Variants in COL18A1 observed in about 807,000 individuals in gnomAD.
COL18A1 encodes collagen type XVIII alpha 1 chain, also known as collagen alpha-1(XVIII) chain.
In COL18A1, 133 loss-of-function variants were observed where a neutral mutation model predicts 168.0. The ratio of observed to expected loss-of-function variants is 0.79; its 90% CI spans 0.69 to 0.91. COL18A1 has a LOEUF of 0.91. Among genes scored for constraint, COL18A1 ranks in the 40% least tolerant of loss-of-function variants. COL18A1 has a pLI of 0.00. For missense variants in COL18A1, 2,126 were observed against 1,925.4 expected, an observed-to-expected ratio of 1.10 and a Z score of -1.95; for synonymous variants, 949 against 809.0, an observed-to-expected ratio of 1.17 and a Z score of -2.94.
chr21:45,499,436 C>T (rs2236481), intron 32 of COL18A1, among the ~76,000 whole-genome samples: 14,421 of 73,956 alleles, frequency 0.19, 1,185 homozygotes, highest in Middle Eastern at 0.3. Flanking sequence ...GAGGCTCCCG[C>T]GGGAACCCGT....
Position 45,405,463 on chromosome 21 carries a change from C to T in COL18A1, c.96C>T (p.Ser32=), listed in dbSNP as rs772492972. 1.2e-4 allele frequency: 165 copies of T among 1,376,950 alleles called. No individual in the cohort carries two copies. Among genetic ancestry groups the T allele is most frequent in the Admixed American group, 8.8e-4 (34 of 38,758 alleles). 85.3% of individuals were successfully genotyped at this position (1,376,950 alleles called of 1,614,324 possible). A position where few individuals can be genotyped will look rare whatever the true frequency, so the allele number is the denominator to read the frequency against. The part of the protein sequence containing the change: ...LVLLLGVRAA[S]AEPERISEEV... ...TGCTGCTCGGGGTCCGCGCGGCCTCCGCGGAGCCAGGTAAGACCCGGGCGG... is the reference window on the plus strand; with the variant it reads ...TGCTGCTCGGGGTCCGCGCGGCCTCTGCGGAGCCAGGTAAGACCCGGGCGG... Residue 32 remains serine, a synonymous_variant, in exon 2 of 42, where the codon TCC becomes TCT. Coordinates refer to ENST00000651438, the MANE Select transcript of COL18A1 (RefSeq NM_001379500.1).
At position 45,494,924 on chromosome 21, in the gene COL18A1, C is replaced by A; in HGVS notation, c.2433+9C>A. 1 of 1,609,062 alleles carries A rather than the reference C, an allele frequency of 6.2e-7. No individual in the cohort carries two copies. The highest frequency in any genetic ancestry group is 1.3e-5 in the African/African-American group (1 of 74,974). On this transcript the variant is annotated intron_variant, in intron 28 of 41. Transcript: ENST00000651438. ...GCTTTCCTGGACGGCCGGTGAGGAC[C>A]TGGGGTCTCCAGTGGGGGCGGCAGA... is the stretch of plus-strand genomic sequence containing the variant.
intron 32 of COL18A1, among the ~76,000 whole-genome samples, chr21:45,503,288 T>C (rs1007061909): frequency 6.6e-6 from 1 of 152,016 alleles, no homozygotes; most frequent in Admixed American, 6.6e-5. Context: ...TGGTATCTCA[T>C]TGTGGTTTTG....
rs376357877 is a variant in COL18A1 at position 45,480,145 on chromosome 21, C to T, written c.1387C>T (p.His463Tyr). The T allele has an allele frequency of 1.8e-5, 28 of 1,578,920 alleles. No homozygotes were observed. In the African/African-American group the frequency reaches 2.4e-4, roughly 14 times the overall value. The change falls in exon 11 of 42, where the codon CAC (histidine) becomes TAC (tyrosine). Residue 463 changes from histidine (H) to tyrosine (Y), a missense_variant. Coordinates refer to ENST00000651438, the MANE Select transcript of COL18A1 (RefSeq NM_001379500.1). ...AGGGCCCCCAGGACCCTCCTTCAGA[C>T]ACGACAAGCTGGTAAGTCCCGCCCT... ...PPGPPGPSFR[H>Y]DKLTFIDMEG...
At chr21:45,453,290 G>A (rs2034692231) in intron 2 of COL18A1, among the ~76,000 whole-genome samples, 1 of 152,154 alleles carries the variant, frequency 6.6e-6, no homozygotes, top group Admixed American at 6.5e-5. Context: ...TACATGTGTG[G>A]GGGCTTGTGT....
intron 9 of COL18A1, 41 bp downstream of exon 9, chr21:45,478,394 T>C (rs1457827733): frequency 6.2e-7 from 1 of 1,614,148 alleles, no homozygotes; most frequent in Non-Finnish European, 8.5e-7. Context: ...TTATCTGTGA[T>C]GTTTGCTTAG....
chr21:45,462,353 C>A (rs2035074110), intron 2 of COL18A1, among the ~76,000 whole-genome samples: 1 of 152,168 alleles, frequency 6.6e-6, no homozygotes, highest in Admixed American at 6.5e-5. Context: ...AGTCTCTCTG[C>A]ACCTTTCTTT....
In COL18A1 at chr21:45,457,409, C is replaced by T. The variant is rs1175925087; in HGVS notation, c.107-10833C>T. 2.6e-5 allele frequency among the ~76,000 whole-genome samples: 4 copies of T among 152,190 alleles called. No individual in the cohort carries two copies. Among genetic ancestry groups the T allele is most frequent in the East Asian group, 1.9e-4 (1 of 5,194 alleles). On this transcript the variant is annotated intron_variant, in intron 2 of 41. Transcript: ENST00000651438. This position sits in a 1 kb window ranked among gnomAD's most constrained non-coding sequence, Gnocchi z 4.6. ...GGGGACCAGGGAGGTCTGCAGGGCC[C>T]GTCCTGAGAGGGAGCCTTTCATGTC...
In COL18A1 at chr21:45,479,974, C is replaced by T. The variant is rs770051708; in HGVS notation, c.1311+10C>T. 10 of 1,613,710 alleles carry T rather than the reference C, an allele frequency of 6.2e-6. No individual in the cohort carries two copies. The highest frequency in any genetic ancestry group is 2.2e-5 in the South Asian group (2 of 91,088). On this transcript the variant is annotated intron_variant, in intron 10 of 41. Coordinates refer to ENST00000651438, the MANE Select transcript of COL18A1 (RefSeq NM_001379500.1). ...TCCCAAGGGCGACAAGGTGAGTCTC[C>T]GTGGCTGGGTGGGGCCCCTTCCTGT...
chr21:45,496,465 G>T (rs557987224), intron 29 of COL18A1, 35 bp from the exon 30 acceptor site: 1 of 949,880 alleles, frequency 1.1e-6, no homozygotes, highest in South Asian at 1.3e-5. Flanking sequence ...TGACAGGCAG[G>T]CCATAAGCCT....
chr21:45,497,718 G>A, intron 32 of COL18A1, 57 bp downstream of exon 32: 1 of 1,548,090 alleles, frequency 6.5e-7, no homozygotes, highest in East Asian at 2.4e-5. Context: ...GCACTGAAGT[G>A]TGGTCACACC....
At chr21:45,453,167 A>G (rs908751854) in intron 2 of COL18A1, among the ~76,000 whole-genome samples, 9 of 151,094 alleles carry the variant, frequency 6.0e-5, no homozygotes, top group Admixed American at 2.0e-4. Context: ...GTGAGCATGT[A>G]TGTGTGTGTG....
At position 45,473,607 on chromosome 21, in the gene COL18A1, G is replaced by A. The variant is rs77550630; in HGVS notation, c.652-288G>A. Among the ~76,000 whole-genome samples the A allele has an allele frequency of 0.023, 3,455 of 152,204 alleles. 57 individuals carry two copies. Among genetic ancestry groups the A allele is most frequent in the Middle Eastern group, 0.058 (17 of 294 alleles). On this transcript the variant is annotated intron_variant, in intron 3 of 41. Coordinates refer to ENST00000651438, the MANE Select transcript of COL18A1 (RefSeq NM_001379500.1). The surrounding 1 kb of genome is among the most constrained non-coding windows in gnomAD (Gnocchi z 4.0). ...CCACACCTGCTGTGGTTCTAAACCC[G>A]TAGCCCTCAGGTGGCCCATCAGCTG...
At chr21:45,422,111 TCACA>T (rs372425601) in intron 2 of COL18A1, among the ~76,000 whole-genome samples, 6 of 151,606 alleles carry the variant, frequency 4.0e-5, no homozygotes, top group Admixed American at 1.3e-4. Flanking sequence ...ACACACACGT[TCACA>T]CACACAGGCT....
At chr21:45,506,123 A>C in intron 37 of COL18A1, 157 bp downstream of exon 37, 1 of 1,187,904 alleles carries the variant, frequency 8.4e-7, no homozygotes. Context: ...GTTTAGTAAA[A>C]TACTTTTGTG....
In COL18A1 at chr21:45,512,568, AT is replaced by A. The variant is rs891739520; in HGVS notation, c.*177del. On this transcript the variant is annotated 3_prime_UTR_variant, in exon 42 of 42. Transcript: ENST00000651438. ...GAAATAAAAGGAAGCCAAAGAGTGT[AT>A]TTTTTTAAAAGTTTAAAACAGAAGC... The A allele has an allele frequency of 4.4e-6, 3 of 679,674 alleles. No homozygotes were observed. The highest frequency in any genetic ancestry group is 1.9e-5 in the South Asian group (1 of 53,678). 42.1% of individuals were successfully genotyped at this position (679,674 alleles called of 1,614,324 possible).
intron 21 of COL18A1, 107 bp from the exon 22 acceptor site, chr21:45,491,118 C>T: frequency 9.5e-7 from 1 of 1,055,484 alleles, no homozygotes; most frequent in Non-Finnish European, 1.5e-6. Context: ...CCGGGCGCCT[C>T]CTCACCCACC....
chr21:45,497,822 G>A (rs919641899), intron 32 of COL18A1, 161 bp downstream of exon 32: 4 of 952,060 alleles, frequency 4.2e-6, no homozygotes, highest in African/African-American at 3.3e-5. Context: ...GTTGATGGGG[G>A]CCTCATAGGA....
chr21:45,467,747 G>T (rs531976403), intron 2 of COL18A1, among the ~76,000 whole-genome samples: 1 of 152,132 alleles, frequency 6.6e-6, no homozygotes, highest in East Asian at 1.9e-4. Context: ...GGCTGCTCCA[G>T]CAGGGTCAGA....
Sources: allele counts gnomAD v4.1 joint callset (sites outside exome capture counted in the v4.1 genomes callset), GRCh38; gene constraint gnomAD v4.1.1; non-coding constraint Gnocchi (gnomAD v3.1); transcripts MANE v1.5; gene names NCBI Gene and HGNC (gene_info 2026-07-23, HGNC 2026-07-21).